Variants in DNMBP observed in about 807,000 individuals in gnomAD.
DNMBP encodes dynamin binding protein.
In DNMBP, 87 loss-of-function variants were observed where a neutral mutation model predicts 150.0. The observed-to-expected ratio is 0.58, with a 90% confidence interval of 0.49 to 0.69. The LOEUF (loss-of-function observed/expected upper bound fraction) is 0.69. DNMBP is among the 30% of genes least tolerant of loss of function. DNMBP has a pLI of 0.00. For missense variants in DNMBP, 1,774 were observed against 1,949.0 expected (o/e 0.91, Z 1.69); for synonymous variants, 711 against 750.4 (o/e 0.95, Z 0.86).
chr10:99,876,998 G>A lies in DNMBP; in HGVS notation c.*153C>T. On this transcript the variant is annotated 3_prime_UTR_variant, in exon 17 of 17. Coordinates refer to ENST00000324109, the MANE Select transcript of DNMBP (RefSeq NM_015221.4). The stretch of plus-strand genomic sequence containing the variant: ...CATCAAGGTTTACAACCCAATCGAG[G>A]AGAACAAGATCTGTGGTGTGCTCCA... The A allele has an allele frequency of 3.4e-6, 2 of 588,754 alleles. No individual in the cohort carries two copies. The highest frequency in any genetic ancestry group is 3.1e-5 in the East Asian group (1 of 31,940). 36.5% of individuals were successfully genotyped at this position (588,754 alleles called of 1,614,324 possible).
rs2040497945 is a variant in DNMBP at position 99,956,490 on chromosome 10, C to T, written c.984G>A (p.Leu328=). 1 of 1,614,134 alleles carries T rather than the reference C, an allele frequency of 6.2e-7. No homozygotes were observed. Among genetic ancestry groups the T allele is most frequent in the African/African-American group, 1.3e-5 (1 of 75,014 alleles). ...ARIPETSLDC[L]ENTLGVEEQR... Reference sequence around the variant, plus strand: ...GTTCCTCTACTCCTAAGGTGTTCTCCAAACAATCCAAAGAAGTTTCCGGGA... The same window carrying T: ...GTTCCTCTACTCCTAAGGTGTTCTCTAAACAATCCAAAGAAGTTTCCGGGA... Residue 328 remains leucine (L), a synonymous_variant, in exon 4 of 17, where the codon TTG becomes TTA. Coordinates refer to ENST00000324109, the MANE Select transcript of DNMBP (RefSeq NM_015221.4).
intron 1 of DNMBP, among the ~76,000 whole-genome samples, chr10:99,991,979 T>G (rs1005397323): frequency 7.4e-6 from 1 of 135,488 alleles, no homozygotes; most frequent in Non-Finnish European, 1.6e-5. Context: ...AGCACATGCC[T>G]GTAATCTCAC....
At chr10:99,984,855 G>C (rs2040814370) in intron 1 of DNMBP, among the ~76,000 whole-genome samples, 2 of 152,138 alleles carry the variant, frequency 1.3e-5, no homozygotes, top group African/African-American at 4.8e-5. Flanking sequence ...AGCCTCACAA[G>C]TAGTTGGAAC....
At chr10:99,899,677 C>CTTTT (rs10700262) in intron 7 of DNMBP, among the ~76,000 whole-genome samples, 1 of 151,688 alleles carries the variant, frequency 6.6e-6, no homozygotes, top group Non-Finnish European at 1.5e-5. Flanking sequence ...CACCTATGCT[C>CTTTT]TTATTTGGAC....
intron 4 of DNMBP, chr10:99,913,902 G>A (rs1273129814): frequency 3.9e-6 from 5 of 1,286,566 alleles, no homozygotes; most frequent in South Asian, 2.7e-5. Context: ...GGGACGAAGA[G>A]GCTGCCTGTT....
chr10:99,927,553 T>C (rs927949064), intron 4 of DNMBP, among the ~76,000 whole-genome samples: 1 of 152,332 alleles, frequency 6.6e-6, no homozygotes, highest in Admixed American at 6.5e-5. Context: ...ACTCTGATGC[T>C]TGTTCCTTTG....
intron 9 of DNMBP, among the ~76,000 whole-genome samples, chr10:99,896,828 A>G (rs1161668577): frequency 1.3e-5 from 2 of 152,250 alleles, no homozygotes; most frequent in African/African-American, 2.4e-5. Context: ...AAAATGCTAT[A>G]CAGCAGTAAT....
chr10:99,897,156 TAATA>T (rs1161832713), intron 9 of DNMBP, among the ~76,000 whole-genome samples: 2 of 152,210 alleles, frequency 1.3e-5, no homozygotes, highest in African/African-American at 4.8e-5. Flanking sequence ...TTGATATGAA[TAATA>T]AATGAGCTCA....
At position 99,886,153 on chromosome 10, in the gene DNMBP, G is replaced by A. The variant is rs1590211022; in HGVS notation, c.3618+147C>T. 7.9e-6 allele frequency: 6 copies of A among 757,462 alleles called. No homozygotes were observed. In the East Asian group the frequency reaches 1.1e-4, roughly 14 times the overall value. The allele number at this position is 757,462 out of a possible 1,614,324, so 46.9% of individuals were successfully genotyped here. A position where few individuals can be genotyped will look rare whatever the true frequency, so the allele number is the denominator to read the frequency against. On this transcript the variant is annotated intron_variant, in intron 13 of 16. Coordinates refer to ENST00000324109, the MANE Select transcript of DNMBP (RefSeq NM_015221.4). The stretch of plus-strand genomic sequence containing the variant: ...GCCACAGGCTTCATGACACCATCAA[G>A]GGATTAAGATTTCCTGAGGGATGAA...
chr10:100,008,909 G>A (rs2041103070), intron 1 of DNMBP, among the ~76,000 whole-genome samples: 2 of 152,180 alleles, frequency 1.3e-5, no homozygotes, highest in South Asian at 4.1e-4. Context: ...ATGTAAACAA[G>A]CAGAGCTAGA....
rs767871001 is a variant in DNMBP at position 99,908,961 on chromosome 10, G to A, written c.2446C>T (p.Gln816Ter). 1.2e-6 allele frequency: 2 copies of A among 1,613,062 alleles called. No individual in the cohort carries two copies. Among genetic ancestry groups the A allele is most frequent in the South Asian group, 2.2e-5 (2 of 90,890 alleles). ...TGTCTCCCAGTTCCCACCTGTGCCT[G>A]CTGCATGGGTACCATGATCCGCTCA... ...CIERIMVPMQ[Q>*]AQVPNIDFEG... Residue 816 changes from glutamine to a stop codon, truncating the protein, a stop_gained, in exon 5 of 17, where the codon CAG (glutamine) becomes TAG (stop). Coordinates refer to ENST00000324109, the MANE Select transcript of DNMBP (RefSeq NM_015221.4). LOFTEE classifies it high-confidence loss of function.
chr10:99,907,071 G>A (rs1289772589), intron 6 of DNMBP, among the ~76,000 whole-genome samples: 1 of 152,142 alleles, frequency 6.6e-6, no homozygotes, highest in African/African-American at 2.4e-5. Context: ...AGCAATGTGG[G>A]AGGCCGAGGT....
At chr10:99,960,667 G>T (rs964399164) in intron 3 of DNMBP, among the ~76,000 whole-genome samples, 22 of 144,706 alleles carry the variant, frequency 1.5e-4, no homozygotes, top group African/African-American at 6.1e-4. Flanking sequence ...TTAGCCAGGT[G>T]GGGGGGTGCA....
intron 6 of DNMBP, among the ~76,000 whole-genome samples, chr10:99,903,864 GGTCACGAAATATACTTAATGGGTCACA>G (rs528524511): frequency 1.0e-3 from 156 of 151,994 alleles, no homozygotes; most frequent in African/African-American, 3.2e-3. Context: ...TCAAACTCTG[GGTCACGAAATATACTTAATGGGTCACA>G]GTCAGCACTG....
intron 4 of DNMBP, among the ~76,000 whole-genome samples, chr10:99,940,213 G>A (rs1195947398): frequency 6.6e-6 from 1 of 152,200 alleles, no homozygotes; most frequent in Non-Finnish European, 1.5e-5. Context: ...TTTGGCACAT[G>A]CTAGATGCTA....
At chr10:99,891,905 CGGGA>C (rs1389739149) in intron 11 of DNMBP, among the ~76,000 whole-genome samples, 1 of 149,578 alleles carries the variant, frequency 6.7e-6, no homozygotes, top group African/African-American at 2.5e-5. Context: ...CCGCCCCGTC[CGGGA>C]GGGAGGTGGG....
At position 99,915,108 on chromosome 10, in the gene DNMBP, A is replaced by AAATATATATAT. The variant is rs10654940; in HGVS notation, c.2261-5963_2261-5962insATATATATATT. Among the ~76,000 whole-genome samples the AAATATATATAT allele has an allele frequency of 2.2e-3, 217 of 99,754 alleles. 2 individuals carry two copies. Among genetic ancestry groups the AAATATATATAT allele is most frequent in the Non-Finnish European group, 3.3e-3 (174 of 53,402 alleles). The allele number at this position is 99,754 out of a possible 152,430, so 65.4% of individuals were successfully genotyped here. On this transcript the variant is annotated intron_variant, in intron 4 of 16. Coordinates refer to ENST00000324109, the MANE Select transcript of DNMBP (RefSeq NM_015221.4). Reference sequence around the variant, plus strand: ...AAACTCTGTCTCAAAAAAAAAAAAAAATATATATATATATATATATACACA... The same window carrying AAATATATATAT: ...AAACTCTGTCTCAAAAAAAAAAAAAAAATATATATATATATATATATATATATATATACACA...
At position 99,905,241 on chromosome 10, in the gene DNMBP, C is replaced by G. The variant is rs538355179; in HGVS notation, c.2554+2754G>C. On this transcript the variant is annotated intron_variant, in intron 6 of 16. Coordinates refer to ENST00000324109, the MANE Select transcript of DNMBP (RefSeq NM_015221.4). ...AACTTCCCTGACCTCTCTGGTTAGACTAAGGGCAAGAACCTCAGGTTCCAG... is the reference window on the plus strand; with the variant it reads ...AACTTCCCTGACCTCTCTGGTTAGAGTAAGGGCAAGAACCTCAGGTTCCAG... Among the ~76,000 whole-genome samples the G allele has an allele frequency of 3.3e-5, 5 of 152,250 alleles. No homozygotes were observed. The South Asian group carries it at 1.0e-3, about 32-fold the overall frequency.
intron 1 of DNMBP, among the ~76,000 whole-genome samples, chr10:99,998,050 A>G (rs929190461): frequency 2.0e-5 from 3 of 151,536 alleles, no homozygotes; most frequent in Non-Finnish European, 2.9e-5. Context: ...CCTGGCTAAC[A>G]CAGTGAAACC....
Sources: gnomAD v4.1 joint callset for allele counts (sites outside exome capture counted in the v4.1 genomes callset) on GRCh38, gnomAD v4.1.1 for gene constraint, MANE v1.5 for transcripts, NCBI Gene and HGNC (gene_info 2026-07-23, HGNC 2026-07-21) for gene names.